The following NDUFA10 variants were observed in gnomAD, a reference collection of about 807,000 sequenced individuals.
NDUFA10 encodes NADH dehydrogenase [ubiquinone] 1 alpha subcomplex subunit 10, mitochondrial.
NDUFA10 carries 40 observed loss-of-function variants against 47.8 expected under a neutral mutation model. The ratio of observed to expected loss-of-function variants is 0.84; its 90% CI spans 0.65 to 1.09. NDUFA10 has a LOEUF of 1.09. Among genes scored for constraint, NDUFA10 ranks in the 50% least tolerant of loss-of-function variants. The probability of loss-of-function intolerance (pLI) is 0.00; values close to 1 mark genes in which losing one functional copy is unlikely to be tolerated. For synonymous variants in NDUFA10, 183 were observed against 172.2 expected (o/e 1.06, Z -0.49); for missense variants, 413 against 451.1 (o/e 0.92, Z 0.76).
chr2:240,007,263 T>C, intron 7 of NDUFA10, 53 bp downstream of exon 7: 1 of 1,331,414 alleles, frequency 7.5e-7, no homozygotes, highest in Non-Finnish European at 1.1e-6. Context: ...GCAAGAACCT[T>C]ACACATGAAT....
Position 239,971,120 on chromosome 2 carries a change from C to A in NDUFA10, c.1000-9934G>T, listed in dbSNP as rs1243727489. Reference sequence around the variant, plus strand: ...GAGAACTACAGTAATGAAAGAAGTGCCACATAAAAACATTCTCAAATGCTA... The same window carrying A: ...GAGAACTACAGTAATGAAAGAAGTGACACATAAAAACATTCTCAAATGCTA... On this transcript the variant is annotated intron_variant, in intron 9 of 9. Transcript: ENST00000252711. Among the ~76,000 whole-genome samples, 4 of 152,204 alleles carry A rather than the reference C, an allele frequency of 2.6e-5. No individual in the cohort carries two copies. In the East Asian group the frequency reaches 7.7e-4, roughly 29 times the overall value.
chr2:239,914,970 A>G (rs1326251130), intron 4 of NDUFA10, among the ~76,000 whole-genome samples: 1 of 149,762 alleles, frequency 6.7e-6, no homozygotes, highest in East Asian at 1.9e-4. Flanking sequence ...CACACAGAAC[A>G]CACACACAGA....
rs539751132 is a variant in NDUFA10 at position 239,902,592 on chromosome 2, G to A, written c.295-7278C>T. 5.9e-5 allele frequency among the ~76,000 whole-genome samples: 9 copies of A among 152,244 alleles called. No individual in the cohort carries two copies. In the East Asian group the frequency reaches 1.5e-3, roughly 26 times the overall value. The stretch of plus-strand genomic sequence containing the variant: ...GTTGCAGTGGTCTGGAACTGAACCC[G>A]CAATACCCCAAAGGTATGTCTGTAC... On this transcript the variant is annotated intron_variant, in intron 4 of 5. Coordinates refer to the NDUFA10 transcript ENST00000419408.
chr2:239,899,081 AGTGTGGAGGGGTGTGGTGGAGGG>A (rs1693473716), intron 4 of NDUFA10, among the ~76,000 whole-genome samples: 1 of 6,062 alleles, frequency 1.6e-4, no homozygotes, highest in African/African-American at 6.0e-4. Context: ...GTGATGGAGG[AGTGTGGAGGGGTGTGGTGGAGGG>A]GTGTGACGGA....
chr2:240,006,329 T>A (rs979331515), intron 7 of NDUFA10, among the ~76,000 whole-genome samples: 1 of 152,178 alleles, frequency 6.6e-6, no homozygotes, highest in African/African-American at 2.4e-5. Context: ...CAAAAGAACT[T>A]TACAACTGGT....
At chr2:239,951,655 A>G (rs990704221) in intron 4 of NDUFA10, among the ~76,000 whole-genome samples, 5 of 152,226 alleles carry the variant, frequency 3.3e-5, no homozygotes, top group African/African-American at 7.2e-5. Context: ...GGCATCTTTA[A>G]AAAACAGGGT....
chr2:239,925,574 T>C (rs944959700), intron 4 of NDUFA10, among the ~76,000 whole-genome samples: 4 of 152,176 alleles, frequency 2.6e-5, no homozygotes, highest in South Asian at 2.1e-4. Flanking sequence ...CTACTAAACT[T>C]GCAGAAAACA....
chr2:239,921,078 T>C (rs1192429112), intron 4 of NDUFA10, among the ~76,000 whole-genome samples: 1 of 152,154 alleles, frequency 6.6e-6, no homozygotes, highest in Non-Finnish European at 1.5e-5. Flanking sequence ...GTGTGATCGT[T>C]TGTCAATCAA....
Position 239,960,005 on chromosome 2 carries a change from G to A in NDUFA10, c.*1113C>T. ...TACTGCCCACAGGCGGCTGTGGAGT[G>A]CCTGAACTATGGCCAGTGCAACCAA... is the stretch of plus-strand genomic sequence containing the variant. On this transcript the variant is annotated 3_prime_UTR_variant, in exon 10 of 10. Coordinates refer to ENST00000252711, the MANE Select transcript of NDUFA10 (RefSeq NM_004544.4). The A allele has an allele frequency of 1.0e-6, 1 of 984,766 alleles. No individual in the cohort carries two copies. The highest frequency in any genetic ancestry group is 1.2e-6 in the Non-Finnish European group (1 of 829,302). The allele number at this position is 984,766 out of a possible 1,614,324, so 61.0% of individuals were successfully genotyped here. A position where few individuals can be genotyped will look rare whatever the true frequency, so the allele number is the denominator to read the frequency against.
At chr2:239,976,281 G>A (rs949293852) in intron 9 of NDUFA10, among the ~76,000 whole-genome samples, 1 of 152,032 alleles carries the variant, frequency 6.6e-6, no homozygotes, top group Admixed American at 6.6e-5. Context: ...TAAGCTCCAC[G>A]GTCCACCCTG....
At chr2:239,967,979 T>TACACACACACACACACACACACACACAC (rs61166045) in intron 9 of NDUFA10, among the ~76,000 whole-genome samples, 1 of 147,476 alleles carries the variant, frequency 6.8e-6, no homozygotes, top group Non-Finnish European at 1.5e-5. Flanking sequence ...GAAAAAAATA[T>TACACACACACACACACACACACACACAC]ACACACACAC....
At position 239,977,679 on chromosome 2, in the gene NDUFA10, G is replaced by A. The variant is rs568798338; in HGVS notation, c.999+12395C>T. ...TAAGCACACAAACTGCTGCTTTCAC[G>A]CTAGGAGAACGTAAATATGACACAT... On this transcript the variant is annotated intron_variant, in intron 9 of 9. Coordinates refer to ENST00000252711, the MANE Select transcript of NDUFA10 (RefSeq NM_004544.4). 3.8e-4 allele frequency among the ~76,000 whole-genome samples: 58 copies of A among 152,332 alleles called. 1 individual carries two copies. The highest frequency in any genetic ancestry group is 2.7e-3 in the Admixed American group (42 of 15,306).
chr2:239,964,340 C>T (rs1312738860), intron 9 of NDUFA10, among the ~76,000 whole-genome samples: 6 of 152,056 alleles, frequency 3.9e-5, no homozygotes, highest in Admixed American at 6.5e-5. Flanking sequence ...GGAATGTGGG[C>T]GGCCTCTAGA....
chr2:239,901,628 T>C (rs1693552555), intron 4 of NDUFA10, among the ~76,000 whole-genome samples: 1 of 151,798 alleles, frequency 6.6e-6, no homozygotes, highest in African/African-American at 2.4e-5. Context: ...GACTTTCAAG[T>C]TTCATTATTG....
chr2:240,006,084 CT>C (rs1488896884), intron 7 of NDUFA10, among the ~76,000 whole-genome samples: 3 of 152,158 alleles, frequency 2.0e-5, no homozygotes, highest in African/African-American at 7.2e-5. Flanking sequence ...CATACGCATT[CT>C]CTCCTCACAA....
At position 240,011,684 on chromosome 2, in the gene NDUFA10, T is replaced by C; in HGVS notation, c.682A>G (p.Lys228Glu). The C allele has an allele frequency of 6.2e-7, 1 of 1,612,914 alleles. No individual in the cohort carries two copies. Among genetic ancestry groups the C allele is most frequent in the Non-Finnish European group, 8.5e-7 (1 of 1,178,848 alleles). ...TCCTGTAGATAGGCAGAGGTGATCTTCATTTCATGTGGCTAAACAGAAGCA... is the reference window on the plus strand; with the variant it reads ...TCCTGTAGATAGGCAGAGGTGATCTCCATTTCATGTGGCTAAACAGAAGCA... ...IQKKGDPHEM[K>E]ITSAYLQDIE... The change falls in exon 6 of 10, where the codon AAG (lysine) becomes GAG (glutamate). Residue 228 changes from lysine (K) to glutamate (E), a missense_variant. By Grantham distance (56) the Lys-to-Glu change is moderately conservative. Coordinates refer to ENST00000252711, the MANE Select transcript of NDUFA10 (RefSeq NM_004544.4).
chr2:239,967,060 C>T (rs1355511833), intron 9 of NDUFA10, among the ~76,000 whole-genome samples: 2 of 152,080 alleles, frequency 1.3e-5, no homozygotes, highest in Non-Finnish European at 1.5e-5. Context: ...ATAAATAACA[C>T]CGATGTGCCC....
Position 239,990,124 on chromosome 2 carries a change from C to CT in NDUFA10, c.948dup (p.Val317SerfsTer9), listed in dbSNP as rs1433390996. On this transcript the variant is annotated frameshift_variant, in exon 9 of 10. Coordinates refer to ENST00000252711, the MANE Select transcript of NDUFA10 (RefSeq NM_004544.4). LOFTEE classifies it high-confidence loss of function. Reference sequence around the variant, plus strand: ...TCAGTCTGATGAGCTCCAATGGTGACTTCCGGGAGAAAGATAGGAATGCTT... The same window carrying CT: ...TCAGTCTGATGAGCTCCAATGGTGACTTTCCGGGAGAAAGATAGGAATGCTT... The CT allele has an allele frequency of 6.2e-7, 1 of 1,614,044 alleles. No individual in the cohort carries two copies.
rs1302121770 is a variant in NDUFA10, at chr2:239,961,205, T to C, written c.1000-19A>G. On this transcript the variant is annotated intron_variant, in intron 9 of 9. Transcript: ENST00000252711. The stretch of plus-strand genomic sequence containing the variant: ...CCGGCAGCTGTGGGGGAAAAAGGCA[T>C]TGGTGCATTCTGTTTAACGTGAATG... 25 of 1,614,006 alleles carry C rather than the reference T, an allele frequency of 1.5e-5. No individual in the cohort carries two copies. Among genetic ancestry groups the C allele is most frequent in the African/African-American group, 4.0e-5 (3 of 74,934 alleles).
Sources: allele counts gnomAD v4.1 joint callset (sites outside exome capture counted in the v4.1 genomes callset), GRCh38; gene constraint gnomAD v4.1.1; transcripts MANE v1.5; gene names NCBI Gene and HGNC (gene_info 2026-07-23, HGNC 2026-07-21).